DNAH3: variants seen among roughly 807,000 people sequenced by gnomAD.
DNAH3 encodes the protein dynein axonemal heavy chain 3.
Under a neutral mutation model 432.5 loss-of-function variants are expected in DNAH3, and 332 were observed. The ratio of observed to expected loss-of-function variants is 0.77; its 90% CI spans 0.70 to 0.84. DNAH3 has a LOEUF of 0.84. DNAH3 is among the 40% of genes least tolerant of loss of function. The pLI is 0.00. For missense variants in DNAH3, 4,861 were observed against 5,114.0 expected (o/e 0.95, Z 1.51); for synonymous variants, 1,956 against 1,900.2 (o/e 1.03, Z -0.76).
exon 62 of DNAH3, chr16:20,933,282 G>A (rs758983633): frequency 1.2e-5 from 20 of 1,614,004 alleles, no homozygotes; most frequent in Non-Finnish European, 1.7e-5. Flanking sequence ...GTTCCTCTGC[G>A]GGCACTTGTT....
Position 20,988,070 on chromosome 16 carries a change from G to T in DNAH3, c.6602-5C>A. The T allele has an allele frequency of 6.2e-7, 1 of 1,613,748 alleles. No individual in the cohort carries two copies. The highest frequency in any genetic ancestry group is 8.5e-7 in the Non-Finnish European group (1 of 1,179,998). On this transcript the variant is annotated splice_region_variant and splice_polypyrimidine_tract_variant and intron_variant, in intron 44 of 61. Transcript: ENST00000261383. ...TCAGATGGCGAGTGAATCGTCCTGG[G>T]GAATACAACACACAAGTGAATCATC... is the stretch of plus-strand genomic sequence containing the variant.
intron 19 of DNAH3, among the ~76,000 whole-genome samples, chr16:21,082,499 A>T (rs897285234): frequency 1.1e-4 from 16 of 152,270 alleles, no homozygotes; most frequent in Middle Eastern, 6.8e-3. Flanking sequence ...CATCATGCCC[A>T]GTCCCTTTTA....
In DNAH3 at chr16:21,097,504, A is replaced by T. The variant is rs1387245070; in HGVS notation, c.2521-5T>A. 1 of 1,612,704 alleles carries T rather than the reference A, an allele frequency of 6.2e-7. No homozygotes were observed. The highest frequency in any genetic ancestry group is 1.1e-5 in the South Asian group (1 of 91,080). On this transcript the variant is annotated splice_polypyrimidine_tract_variant and splice_region_variant and intron_variant, in intron 17 of 61. Coordinates refer to ENST00000261383, the Ensembl canonical transcript of DNAH3. ...CTCTTCCTCCTTATTGATCAACTGC[A>T]GGGCAAAAGGAGATGCTGTTTATGG...
Position 21,136,273 on chromosome 16 carries a change from G to A in DNAH3, c.886+51C>T, listed in dbSNP as rs774002624. 4.0e-6 allele frequency: 6 copies of A among 1,514,408 alleles called. No homozygotes were observed. In the East Asian group the frequency reaches 9.1e-5, roughly 23 times the overall value. The allele number at this position is 1,514,408 out of a possible 1,614,324, so 93.8% of individuals were successfully genotyped here. ...TACAAAAATAAAAATAAAAAAGAAGGTGCCCTCTACATAGAAGCTCCCCAG... is the reference window on the plus strand; with the variant it reads ...TACAAAAATAAAAATAAAAAAGAAGATGCCCTCTACATAGAAGCTCCCCAG... On this transcript the variant is annotated intron_variant, in intron 6 of 61. Transcript: ENST00000261383.
At chr16:20,982,244 C>T (rs1045346300) in intron 49 of DNAH3, among the ~76,000 whole-genome samples, 1 of 151,802 alleles carries the variant, frequency 6.6e-6, no homozygotes, top group Non-Finnish European at 1.5e-5. Flanking sequence ...ATTAGCTGGA[C>T]GTGATGGCAG....
Position 21,134,304 on chromosome 16 carries a change from G to A in DNAH3, c.1037C>T (p.Thr346Met), listed in dbSNP as rs372982554. The change falls in exon 7 of 62, where the codon ACG becomes ATG. Residue 346 changes from threonine (T) to methionine (M), a missense_variant. By Grantham distance (81) the Thr-to-Met change is moderately conservative (BLOSUM62 -1). Transcript: ENST00000261383. ...CAGCCTGAGCATCATGGGGTTCACCGTGTGCAGATGCTCCTCGTTCCACTT... is the reference window on the plus strand; with the variant it reads ...CAGCCTGAGCATCATGGGGTTCACCATGTGCAGATGCTCCTCGTTCCACTT... 46 of 1,613,964 alleles carry A rather than the reference G, an allele frequency of 2.9e-5. No homozygotes were observed. The highest frequency in any genetic ancestry group is 5.0e-5 in the Admixed American group (3 of 59,990).
chr16:20,944,803 G>C (rs1479226338), intron 57 of DNAH3, 140 bp from the exon 58 acceptor site: 10 of 662,988 alleles, frequency 1.5e-5, no homozygotes, highest in Non-Finnish European at 2.4e-5. Flanking sequence ...ACACACACAC[G>C]CTGGGAGAAC....
chr16:21,063,479 T>A (rs1037314460), intron 24 of DNAH3, among the ~76,000 whole-genome samples: 21 of 149,950 alleles, frequency 1.4e-4, no homozygotes, highest in Admixed American at 2.7e-4. Flanking sequence ...TTTATTTATT[T>A]TTTTATTTTA....
chr16:21,000,608 T>C, intron 42 of DNAH3, 90 bp from the exon 43 acceptor site: 1 of 1,176,658 alleles, frequency 8.5e-7, no homozygotes, highest in Non-Finnish European at 1.2e-6. Context: ...ACATTCTAGC[T>C]CCATCCCTTA....
At chr16:21,022,157 C>A in intron 39 of DNAH3, 57 bp from the exon 40 acceptor site, 1 of 1,593,474 alleles carries the variant, frequency 6.3e-7, no homozygotes, top group South Asian at 1.1e-5. Flanking sequence ...GAGTTGACGA[C>A]CAAGAGCTTG....
At chr16:21,024,628 G>C (rs1432978845) in exon 39 of DNAH3, 1 of 1,612,910 alleles carries the variant, frequency 6.2e-7, no homozygotes, top group African/African-American at 1.3e-5. Flanking sequence ...AGACTGGAGG[G>C]CAGGGTGTCC....
chr16:21,096,522 C>G (rs901366181), intron 18 of DNAH3, among the ~76,000 whole-genome samples: 2 of 152,086 alleles, frequency 1.3e-5, no homozygotes, highest in African/African-American at 4.8e-5. Flanking sequence ...TCAATTATTC[C>G]CCAACATAAA....
At chr16:21,148,476 C>T (rs915302380) in intron 1 of DNAH3, among the ~76,000 whole-genome samples, 2 of 150,670 alleles carry the variant, frequency 1.3e-5, no homozygotes, top group African/African-American at 4.9e-5. Flanking sequence ...TTCGCTCTGT[C>T]GCCCAGGCTG....
chr16:21,064,546 TA>T, intron 24 of DNAH3, among the ~76,000 whole-genome samples: 1 of 151,970 alleles, frequency 6.6e-6, no homozygotes, highest in Non-Finnish European at 1.5e-5. Context: ...GTACAAAGAG[TA>T]ATAATTATTT....
exon 53 of DNAH3, chr16:20,963,747 G>A (rs3743696): frequency 0.081 from 130,868 of 1,613,884 alleles, 6,097 homozygotes; most frequent in East Asian, 0.17. Context: ...TCATGATGCC[G>A]ATGGTCAGGA....
chr16:21,040,655 G>A (rs141455825), intron 32 of DNAH3, among the ~76,000 whole-genome samples: 63 of 151,956 alleles, frequency 4.1e-4, no homozygotes, highest in African/African-American at 1.4e-3. Flanking sequence ...GTGAGCTACC[G>A]CGCCCAGCCA....
intron 51 of DNAH3, 102 bp downstream of exon 51, chr16:20,975,131 T>C (rs117385079): frequency 0.017 from 24,293 of 1,412,066 alleles, 244 homozygotes; most frequent in Middle Eastern, 0.033. Flanking sequence ...ATGCCCAGCC[T>C]TGCCTACCCT....
At chr16:21,114,781 A>G (rs2092149562) in intron 12 of DNAH3, among the ~76,000 whole-genome samples, 2 of 152,230 alleles carry the variant, frequency 1.3e-5, no homozygotes, top group African/African-American at 4.8e-5. Flanking sequence ...GAACACTTTT[A>G]CACTGTTGGT....
chr16:21,112,233 C>T (rs532094005), intron 12 of DNAH3, 135 bp from the exon 13 acceptor site: 53 of 627,546 alleles, frequency 8.4e-5, no homozygotes, highest in Admixed American at 1.2e-4. Flanking sequence ...TATAATGTGG[C>T]AAAAGTTTCA....
Sources: gnomAD v4.1 joint callset for allele counts (sites outside exome capture counted in the v4.1 genomes callset) on GRCh38, gnomAD v4.1.1 for gene constraint, MANE v1.5 for transcripts, NCBI Gene and HGNC (gene_info 2026-07-23, HGNC 2026-07-21) for gene names.